GRIA4: variants seen among roughly 807,000 people sequenced by gnomAD.
The protein encoded by GRIA4 is glutamate ionotropic receptor AMPA type subunit 4, also known as glutamate receptor 4.
In GRIA4, 34 loss-of-function variants were observed where a neutral mutation model predicts 104.0. That is an observed-to-expected ratio of 0.33 (90% confidence interval 0.25 to 0.44). The LOEUF (loss-of-function observed/expected upper bound fraction) is 0.44. GRIA4 is among the 20% of genes least tolerant of loss of function. The pLI is 1.00. For missense variants in GRIA4, 750 were observed against 1,096.5 expected (o/e 0.68, Z 4.46); for synonymous variants, 386 against 381.9 (o/e 1.01, Z -0.13).
intron 14 of GRIA4, among the ~76,000 whole-genome samples, chr11:105,950,656 CT>C (rs1272926575): frequency 6.6e-6 from 1 of 152,090 alleles, no homozygotes; most frequent in Non-Finnish European, 1.5e-5. Flanking sequence ...ATCTACTACC[CT>C]TCCTTCTTGG....
intron 13 of GRIA4, among the ~76,000 whole-genome samples, chr11:105,933,215 C>G (rs1051332334): frequency 1.3e-5 from 2 of 151,746 alleles, no homozygotes; most frequent in African/African-American, 2.4e-5. Context: ...GCACTCCAGT[C>G]TGGGCAACTC....
intron 13 of GRIA4, among the ~76,000 whole-genome samples, chr11:105,931,722 T>A (rs1437618221): frequency 6.6e-6 from 1 of 151,792 alleles, no homozygotes; most frequent in East Asian, 1.9e-4. Flanking sequence ...AAAAAAAAAA[T>A]GAATATAGTT....
At chr11:105,716,758 C>T (rs542035488) in intron 3 of GRIA4, among the ~76,000 whole-genome samples, 5 of 152,176 alleles carry the variant, frequency 3.3e-5, no homozygotes, top group South Asian at 4.1e-4. Context: ...GCAGAAACAT[C>T]GGTATGTAGC....
intron 3 of GRIA4, among the ~76,000 whole-genome samples, chr11:105,682,946 T>C (rs1952758173): frequency 1.3e-5 from 2 of 152,200 alleles, no homozygotes; most frequent in South Asian, 4.1e-4. Flanking sequence ...AGCCATCTAT[T>C]ATTTTTGATA....
intron 3 of GRIA4, among the ~76,000 whole-genome samples, chr11:105,725,867 T>C (rs577694750): frequency 1.3e-5 from 2 of 152,244 alleles, no homozygotes; most frequent in Admixed American, 6.5e-5. Context: ...CTGGCCAAGA[T>C]ACTATGCTTT....
chr11:105,767,915 G>A lies in GRIA4; in HGVS notation c.487+14695G>A, dbSNP rs536670681. On this transcript the variant is annotated intron_variant, in intron 4 of 16. Coordinates refer to ENST00000282499, the MANE Select transcript of GRIA4 (RefSeq NM_000829.4). ...ATTATGCTGCCGATGAGGACCTCTCGCTTTAATCTGAATCAGAGTCAGCCA... is the reference window on the plus strand; with the variant it reads ...ATTATGCTGCCGATGAGGACCTCTCACTTTAATCTGAATCAGAGTCAGCCA... Among the ~76,000 whole-genome samples, 25 of 152,150 alleles carry A rather than the reference G, an allele frequency of 1.6e-4. No individual in the cohort carries two copies. The East Asian group carries it at 1.9e-3, about 12-fold the overall frequency.
intron 3 of GRIA4, among the ~76,000 whole-genome samples, chr11:105,619,356 G>T (rs1385745812): frequency 6.6e-6 from 1 of 151,858 alleles, no homozygotes; most frequent in African/African-American, 2.4e-5. Flanking sequence ...TTAAAAATCA[G>T]TTATTATATC....
At chr11:105,732,918 G>A (rs192137786) in intron 3 of GRIA4, among the ~76,000 whole-genome samples, 135 of 152,198 alleles carry the variant, frequency 8.9e-4, no homozygotes, top group Middle Eastern at 3.4e-3. Flanking sequence ...ATTATTAATC[G>A]CATAGCACTT....
At position 105,860,200 on chromosome 11, in the gene GRIA4, G is replaced by T. The variant is rs568998510; in HGVS notation, c.488-1824G>T. On this transcript the variant is annotated intron_variant, in intron 4 of 16. Transcript: ENST00000282499. ...CCTGACTGCCACAGTATTTCATTTG[G>T]CAGGATATCAGATAATTTATATTTC... Among the ~76,000 whole-genome samples the T allele has an allele frequency of 4.6e-5, 7 of 152,036 alleles. No individual in the cohort carries two copies. In the South Asian group the frequency reaches 1.5e-3, roughly 32 times the overall value.
Position 105,979,625 on chromosome 11 carries a change from G to A in GRIA4, c.2595G>A (p.Gly865=), listed in dbSNP as rs939493712. The change falls in exon 17 of 17, where the codon GGG becomes GGA. Residue 865 remains glycine, a synonymous_variant. Coordinates refer to ENST00000282499, the MANE Select transcript of GRIA4 (RefSeq NM_000829.4). ...IRNKARLSIT[G]SVGENGRVLT... ...ACAAAGCCAGATTATCCATCACTGGGAGTGTGGGAGAGAATGGCCGCGTCT... is the reference window on the plus strand; with the variant it reads ...ACAAAGCCAGATTATCCATCACTGGAAGTGTGGGAGAGAATGGCCGCGTCT... 8.1e-6 allele frequency: 13 copies of A among 1,613,684 alleles called. No homozygotes were observed. The highest frequency in any genetic ancestry group is 1.3e-5 in the African/African-American group (1 of 74,948).
At chr11:105,861,340 C>T (rs150286755) in intron 4 of GRIA4, among the ~76,000 whole-genome samples, 4 of 152,164 alleles carry the variant, frequency 2.6e-5, no homozygotes, top group East Asian at 1.9e-4. Flanking sequence ...ACCTTGAGTC[C>T]GGCTACACAC....
chr11:105,615,726 A>T (rs1213639850), intron 3 of GRIA4, among the ~76,000 whole-genome samples: 1 of 151,796 alleles, frequency 6.6e-6, no homozygotes, highest in African/African-American at 2.4e-5. Context: ...TGCTAGTTTA[A>T]TTGGATATGT....
intron 4 of GRIA4, among the ~76,000 whole-genome samples, chr11:105,802,933 A>G (rs1942785619): frequency 6.6e-6 from 1 of 151,916 alleles, no homozygotes; most frequent in Non-Finnish European, 1.5e-5. Context: ...CTAAAATCTT[A>G]CAATAGTGCT....
chr11:105,768,011 C>A (rs1163968233), intron 4 of GRIA4, among the ~76,000 whole-genome samples: 1 of 152,056 alleles, frequency 6.6e-6, no homozygotes, highest in African/African-American at 2.4e-5. Flanking sequence ...GCAGTCCCAA[C>A]AGTTCCTGAA....
Position 105,971,927 on chromosome 11 carries a change from C to T in GRIA4, c.2308C>T (p.Leu770Phe). The part of the protein sequence containing the change: ...KGSSLRTPVN[L>F]AVLKLSEAGV... The stretch of plus-strand genomic sequence containing the variant: ...TTCCACGTGAAGAACTCCTGTAAAC[C>T]TTGCCGTTTTGAAACTCAGTGAGGC... The change falls in exon 15 of 17, where the codon CTT becomes TTT. Residue 770 changes from leucine (L) to phenylalanine (F), a missense_variant. By Grantham distance (22) the Leu-to-Phe change is conservative. Around this residue, in one of 3 missense-constraint regions of GRIA4, gnomAD observed 272 missense variants for 524.5 expected, o/e 0.52. Transcript: ENST00000282499. 2 of 1,605,638 alleles carry T rather than the reference C, an allele frequency of 1.2e-6. No individual in the cohort carries two copies. The highest frequency in any genetic ancestry group is 1.7e-6 in the Non-Finnish European group (2 of 1,172,976).
chr11:105,634,467 GGGAAA>G (rs1565419745), intron 3 of GRIA4, among the ~76,000 whole-genome samples: 12 of 90,258 alleles, frequency 1.3e-4, no homozygotes, highest in African/African-American at 5.3e-4. Context: ...AAGAAAGAAA[GGGAAA>G]GAAAGAAAGA....
intron 4 of GRIA4, among the ~76,000 whole-genome samples, chr11:105,842,048 T>C (rs996000223): frequency 6.6e-6 from 1 of 152,168 alleles, no homozygotes; most frequent in African/African-American, 2.4e-5. Context: ...CATTGAGAAG[T>C]TACCATCTGA....
At chr11:105,748,803 T>C (rs898330773) in intron 3 of GRIA4, among the ~76,000 whole-genome samples, 2 of 152,068 alleles carry the variant, frequency 1.3e-5, no homozygotes, top group African/African-American at 4.8e-5. Flanking sequence ...GAAGATAATG[T>C]GAAAAAGGAA....
At chr11:105,745,955 C>T (rs866174485) in intron 3 of GRIA4, among the ~76,000 whole-genome samples, 2 of 152,150 alleles carry the variant, frequency 1.3e-5, no homozygotes, top group Admixed American at 6.6e-5. Flanking sequence ...TGACTCAACA[C>T]ATCCTATTTC....
Sources: allele counts gnomAD v4.1 joint callset (sites outside exome capture counted in the v4.1 genomes callset), GRCh38; gene constraint gnomAD v4.1.1; regional missense constraint gnomAD v4.1.1; transcripts MANE v1.5; gene names NCBI Gene and HGNC (gene_info 2026-07-23, HGNC 2026-07-21).